Variants in MAF observed in about 807,000 individuals in gnomAD.
The protein encoded by MAF is MAF bZIP transcription factor.
MAF carries 10 observed loss-of-function variants against 22.0 expected under a neutral mutation model. The ratio of observed to expected loss-of-function variants is 0.45; its 90% confidence interval spans 0.28 to 0.77. The LOEUF (loss-of-function observed/expected upper bound fraction) is 0.77, where lower values mean the gene tolerates loss of function less well. Among genes scored for constraint, MAF ranks in the 30% least tolerant of loss-of-function variants. The pLI is 0.12. For missense variants in MAF, 544 were observed against 548.4 expected (o/e 0.99, Z 0.08); for synonymous variants, 337 against 255.8 (o/e 1.32, Z -3.03).
chr16:79,588,402 A>G (rs1912986325), intron 1 of MAF, among the ~76,000 whole-genome samples: 1 of 152,140 alleles, frequency 6.6e-6, no homozygotes, highest in African/African-American at 2.4e-5. Context: ...TTTATTTCAT[A>G]AAGTGGGAAC....
At chr16:79,457,692 A>G in the MAF span, among the ~76,000 whole-genome samples, 2 of 152,146 alleles carry the variant, frequency 1.3e-5, no homozygotes, top group African/African-American at 2.4e-5. Context: ...TTACAGAATC[A>G]GTTAGTTTAC....
At chr16:79,511,359 G>C in the MAF span, among the ~76,000 whole-genome samples, 7 of 152,282 alleles carry the variant, frequency 4.6e-5, 1 homozygote, top group South Asian at 4.2e-4. Flanking sequence ...TTAAGAGAGA[G>C]AGAAAGAGAG....
At chr16:79,499,443 A>T in the MAF span, among the ~76,000 whole-genome samples, 1 of 152,188 alleles carries the variant, frequency 6.6e-6, no homozygotes, top group Non-Finnish European at 1.5e-5. Context: ...TAGTAGGCGG[A>T]ACGGTGGCTT....
chr16:79,437,735 C>T, the MAF span, among the ~76,000 whole-genome samples: 2 of 152,160 alleles, frequency 1.3e-5, no homozygotes, highest in Non-Finnish European at 2.9e-5. Flanking sequence ...TCGGCCATGA[C>T]ATTCACTAAG....
At chr16:79,343,921 G>C in the MAF span, among the ~76,000 whole-genome samples, 2 of 152,272 alleles carry the variant, frequency 1.3e-5, no homozygotes, top group East Asian at 3.9e-4. Flanking sequence ...GACTTCCTAG[G>C]TGAAATCAAT....
chr16:79,374,695 C>A, the MAF span, among the ~76,000 whole-genome samples: 2 of 152,198 alleles, frequency 1.3e-5, no homozygotes, highest in African/African-American at 4.8e-5. Context: ...CTAGGGGAAA[C>A]AGAGTGACGG....
the MAF span, among the ~76,000 whole-genome samples, chr16:79,238,923 T>C: frequency 6.6e-6 from 1 of 151,956 alleles, no homozygotes; most frequent in African/African-American, 2.4e-5. Flanking sequence ...TCTGATCTCA[T>C]GGTGGGGTAA....
the MAF span, among the ~76,000 whole-genome samples, chr16:79,209,884 T>G: frequency 2.8e-4 from 42 of 152,230 alleles, no homozygotes; most frequent in Admixed American, 1.9e-3. Flanking sequence ...AAAGGAAATT[T>G]GGATGACATG....
At chr16:79,249,466 T>A in the MAF span, among the ~76,000 whole-genome samples, 1 of 150,232 alleles carries the variant, frequency 6.7e-6, no homozygotes, top group Non-Finnish European at 1.5e-5. Flanking sequence ...CCATGCCCCT[T>A]CCACCATGTG....
chr16:79,480,324 C>G, the MAF span, among the ~76,000 whole-genome samples: 1 of 104,014 alleles, frequency 9.6e-6, no homozygotes, highest in Non-Finnish European at 2.1e-5. Context: ...AGTTGAAATA[C>G]AATTTTTTTT....
chr16:79,595,744 C>G (rs1913480657), intron 1 of MAF: 4 of 1,056,680 alleles, frequency 3.8e-6, no homozygotes, highest in Non-Finnish European at 3.4e-6. Flanking sequence ...GCTTTTATTT[C>G]TGGGGATAGC....
chr16:79,452,241 G>T, the MAF span, among the ~76,000 whole-genome samples: 1 of 152,184 alleles, frequency 6.6e-6, no homozygotes, highest in Non-Finnish European at 1.5e-5. Flanking sequence ...AAAGGACACT[G>T]GGTGTATATA....
At chr16:79,310,358 C>A in the MAF span, among the ~76,000 whole-genome samples, 3 of 151,482 alleles carry the variant, frequency 2.0e-5, no homozygotes, top group South Asian at 6.3e-4. Context: ...CTGTTTCGGA[C>A]GAGAGAGAGA....
chr16:79,256,031 G>C, the MAF span, among the ~76,000 whole-genome samples: 1 of 145,018 alleles, frequency 6.9e-6, no homozygotes, highest in African/African-American at 2.6e-5. Flanking sequence ...TGCCAGGCTG[G>C]AGTGCTGTGG....
chr16:79,308,253 C>T, the MAF span, among the ~76,000 whole-genome samples: 1 of 152,188 alleles, frequency 6.6e-6, no homozygotes, highest in African/African-American at 2.4e-5. Context: ...TCTATTGGGC[C>T]ATGCTTCAGG....
At chr16:79,292,123 A>G in the MAF span, among the ~76,000 whole-genome samples, 1 of 152,092 alleles carries the variant, frequency 6.6e-6, no homozygotes, top group Non-Finnish European at 1.5e-5. Context: ...TGTAGGGAAT[A>G]TTGTGGGTTG....
chr16:79,523,729 A>G, the MAF span, among the ~76,000 whole-genome samples: 2 of 152,240 alleles, frequency 1.3e-5, no homozygotes, highest in African/African-American at 4.8e-5. Flanking sequence ...GCTGAGATGC[A>G]GAGATTAAAT....
the MAF span, among the ~76,000 whole-genome samples, chr16:79,498,030 A>C: frequency 7.2e-5 from 11 of 152,358 alleles, no homozygotes; most frequent in African/African-American, 2.6e-4. Context: ...TGAAGAAGGT[A>C]GGACTTTCCA....
the MAF span, among the ~76,000 whole-genome samples, chr16:79,245,744 A>G: frequency 6.6e-4 from 100 of 152,216 alleles, no homozygotes; most frequent in African/African-American, 2.4e-3. Context: ...TCTACTATAA[A>G]GACACATGCA....
Sources: allele counts gnomAD v4.1 joint callset (sites outside exome capture counted in the v4.1 genomes callset), GRCh38; gene constraint gnomAD v4.1.1; transcripts MANE v1.5; gene names NCBI Gene and HGNC (gene_info 2026-07-23, HGNC 2026-07-21).